YAP1: variants seen among roughly 807,000 people sequenced by gnomAD.
YAP1 encodes transcriptional coactivator YAP1.
In YAP1, 5 loss-of-function variants were observed where a neutral mutation model predicts 56.9. That is an observed-to-expected ratio of 0.09 (90% CI 0.05 to 0.18). The LOEUF (loss-of-function observed/expected upper bound fraction) is 0.18. YAP1 is among the 10% of genes least tolerant of loss of function. The probability of loss-of-function intolerance (pLI) is 1.00; values close to 1 mark genes in which losing one functional copy is unlikely to be tolerated. For missense variants in YAP1, 539 were observed against 651.8 expected (o/e 0.83, Z 1.88); for synonymous variants, 265 against 248.1 (o/e 1.07, Z -0.64).
intron 2 of YAP1, among the ~76,000 whole-genome samples, chr11:102,132,766 A>C (rs1379073436): frequency 6.6e-6 from 1 of 152,254 alleles, no homozygotes; most frequent in Admixed American, 6.5e-5. Context: ...AACCGTTTAC[A>C]CACATTGGTT....
chr11:102,139,672 TATC>T (rs1477206073), intron 2 of YAP1, among the ~76,000 whole-genome samples: 5 of 152,216 alleles, frequency 3.3e-5, no homozygotes, highest in Non-Finnish European at 1.5e-5. Flanking sequence ...CAAACCATCT[TATC>T]ATAAAATGCA....
chr11:102,161,184 C>A (rs762651276), intron 2 of YAP1, among the ~76,000 whole-genome samples: 17 of 151,188 alleles, frequency 1.1e-4, no homozygotes, highest in Non-Finnish European at 2.1e-4. Flanking sequence ...CCTCAGCCTC[C>A]CTGAGGAGCT....
rs187062608 is a variant in YAP1 at position 102,200,691 on chromosome 11, T to C, written c.803-5202T>C. ...AACTTCTGACCTCTAGTGATCCGTCTGCCTTGGCCTCCCAAAGTGCTGGGA... is the reference window on the plus strand; with the variant it reads ...AACTTCTGACCTCTAGTGATCCGTCCGCCTTGGCCTCCCAAAGTGCTGGGA... On this transcript the variant is annotated intron_variant, in intron 4 of 8. Coordinates refer to ENST00000282441, the MANE Select transcript of YAP1 (RefSeq NM_001130145.3). 2.0e-4 allele frequency among the ~76,000 whole-genome samples: 30 copies of C among 152,222 alleles called. 1 individual carries two copies. In the East Asian group the frequency reaches 5.4e-3, roughly 27 times the overall value.
At chr11:102,181,539 C>G (rs1269535955) in intron 3 of YAP1, among the ~76,000 whole-genome samples, 1 of 152,164 alleles carries the variant, frequency 6.6e-6, no homozygotes, top group Non-Finnish European at 1.5e-5. Context: ...TTATTTCTAT[C>G]TGGTCATTAA....
intron 6 of YAP1, among the ~76,000 whole-genome samples, chr11:102,218,955 C>T (rs1478472948): frequency 6.6e-6 from 1 of 151,862 alleles, no homozygotes; most frequent in Non-Finnish European, 1.5e-5. Flanking sequence ...TAGTTTTAAC[C>T]TAATAAAAAG....
chr11:102,205,581 A>C (rs1949079873), intron 4 of YAP1, among the ~76,000 whole-genome samples: 3 of 141,988 alleles, frequency 2.1e-5, no homozygotes, highest in South Asian at 2.3e-4. Context: ...CCCTTCCCCC[A>C]CCCCGTTTTT....
chr11:102,126,465 A>G (rs892480439), intron 2 of YAP1, among the ~76,000 whole-genome samples: 1 of 152,092 alleles, frequency 6.6e-6, no homozygotes, highest in Non-Finnish European at 1.5e-5. Flanking sequence ...CATGAGATCT[A>G]ATGGGTTTAT....
At chr11:102,229,476 A>G (rs1233193425) in intron 8 of YAP1, among the ~76,000 whole-genome samples, 1 of 152,200 alleles carries the variant, frequency 6.6e-6, no homozygotes, top group African/African-American at 2.4e-5. Context: ...AGCACATAAT[A>G]GCAATCAAGC....
chr11:102,111,359 C>T (rs2135089329), intron 1 of YAP1, among the ~76,000 whole-genome samples, 190 bp downstream of exon 1: 1 of 152,264 alleles, frequency 6.6e-6, no homozygotes, highest in South Asian at 2.1e-4. Flanking sequence ...CCCACTCCTC[C>T]CAGAGTCCGG....
chr11:102,146,281 C>T (rs965023210), intron 2 of YAP1, among the ~76,000 whole-genome samples: 1 of 152,102 alleles, frequency 6.6e-6, no homozygotes, highest in East Asian at 1.9e-4. Flanking sequence ...CCTAGACCTC[C>T]CAAAGTGCGA....
At chr11:102,190,693 T>C (rs1489750461) in intron 4 of YAP1, among the ~76,000 whole-genome samples, 2 of 152,096 alleles carry the variant, frequency 1.3e-5, no homozygotes, top group Non-Finnish European at 1.5e-5. Flanking sequence ...ATCCCAGCAC[T>C]TTGGGAGGCC....
At chr11:102,229,488 G>A (rs1364788950) in intron 8 of YAP1, among the ~76,000 whole-genome samples, 1 of 152,116 alleles carries the variant, frequency 6.6e-6, no homozygotes, top group African/African-American at 2.4e-5. Context: ...CAATCAAGCT[G>A]TTATTGGATA....
intron 2 of YAP1, among the ~76,000 whole-genome samples, chr11:102,134,571 A>AT (rs1390448107): frequency 6.6e-6 from 1 of 150,888 alleles, no homozygotes; most frequent in Non-Finnish European, 1.5e-5. Flanking sequence ...AGTGATTTTG[A>AT]TGGAAATACG....
rs1168890082 is a variant in YAP1 at position 102,223,671 on chromosome 11, C to A, written c.1082C>A (p.Thr361Asn). The change falls in exon 7 of 9, where the codon ACT becomes AAT. Residue 361 changes from threonine to asparagine, a missense_variant. Thr to Asn is a moderately conservative substitution (Grantham distance 65). Coordinates refer to ENST00000282441, the MANE Select transcript of YAP1 (RefSeq NM_001130145.3). ...QLPTLEQDGGTQNPVSSPGMS... is the reference protein window; with the variant it reads ...QLPTLEQDGGNQNPVSSPGMS... The stretch of plus-strand genomic sequence containing the variant: ...CCAACACTGGAGCAGGATGGTGGGA[C>A]TCAAAATCCAGTGTCTTCTCCCGGG... 11 of 1,614,150 alleles carry A rather than the reference C, an allele frequency of 6.8e-6. No individual in the cohort carries two copies. Among genetic ancestry groups the A allele is most frequent in the Non-Finnish European group, 9.3e-6 (11 of 1,180,012 alleles).
At chr11:102,161,250 G>A (rs1235765309) in intron 2 of YAP1, among the ~76,000 whole-genome samples, 1 of 150,832 alleles carries the variant, frequency 6.6e-6, no homozygotes, top group Non-Finnish European at 1.5e-5. Flanking sequence ...TTTTAGTAGA[G>A]ATGGGGTTTC....
intron 2 of YAP1, among the ~76,000 whole-genome samples, chr11:102,119,721 T>G (rs1263911464): frequency 2.0e-5 from 3 of 152,040 alleles, no homozygotes; most frequent in Non-Finnish European, 1.5e-5. Context: ...ACTTTGTAGT[T>G]AGAAAAATAA....
intron 1 of YAP1, 98 bp downstream of exon 1, chr11:102,111,267 G>C: frequency 6.8e-7 from 1 of 1,460,264 alleles, no homozygotes; most frequent in Non-Finnish European, 9.2e-7. Context: ...CAGGGGAGGG[G>C]GGTTGCGGGA....
At chr11:102,157,958 A>G (rs930632193) in intron 2 of YAP1, among the ~76,000 whole-genome samples, 14 of 152,154 alleles carry the variant, frequency 9.2e-5, no homozygotes, top group African/African-American at 2.4e-4. Context: ...TGGTATTTGG[A>G]GTGTCCATAA....
intron 4 of YAP1, among the ~76,000 whole-genome samples, chr11:102,201,697 A>G (rs1397801687): frequency 6.6e-6 from 1 of 152,206 alleles, no homozygotes; most frequent in East Asian, 1.9e-4. Flanking sequence ...GTTTTTCAGC[A>G]TGAGAAAAAA....
Sources: allele counts gnomAD v4.1 joint callset (sites outside exome capture counted in the v4.1 genomes callset), GRCh38; gene constraint gnomAD v4.1.1; transcripts MANE v1.5; gene names NCBI Gene and HGNC (gene_info 2026-07-23, HGNC 2026-07-21).